MELK: variants seen among roughly 807,000 people sequenced by gnomAD.
MELK encodes maternal embryonic leucine zipper kinase.
In MELK, 81 loss-of-function variants were observed where a neutral mutation model predicts 85.0. The ratio of observed to expected loss-of-function variants is 0.95; its 90% CI spans 0.80 to 1.15. The LOEUF (loss-of-function observed/expected upper bound fraction) is 1.15, where lower values mean the gene tolerates loss of function less well. Among genes scored for constraint, MELK ranks in the 50% most tolerant of loss-of-function variants. The pLI, the probability that MELK is intolerant of heterozygous loss-of-function variation, is 0.00. For synonymous variants in MELK, 252 were observed against 265.0 expected, an observed-to-expected ratio of 0.95 and a Z score of 0.48; for missense variants, 754 against 777.5, an observed-to-expected ratio of 0.97 and a Z score of 0.36.
chr9:36,605,801 TTTTC>T (rs1020565232), intron 7 of MELK, among the ~76,000 whole-genome samples: 9 of 151,888 alleles, frequency 5.9e-5, no homozygotes, highest in African/African-American at 1.9e-4. Flanking sequence ...TTTCTCTTTC[TTTTC>T]TTTCTTTGTT....
chr9:36,583,783 T>A, intron 3 of MELK, 71 bp downstream of exon 3: 1 of 1,073,756 alleles, frequency 9.3e-7, no homozygotes, highest in Non-Finnish European at 1.4e-6. Context: ...TGAATTGTTC[T>A]AATGTTCTAG....
chr9:36,606,005 A>C (rs1347102776), intron 7 of MELK, among the ~76,000 whole-genome samples: 1 of 151,740 alleles, frequency 6.6e-6, no homozygotes, highest in African/African-American at 2.4e-5. Flanking sequence ...AAGAGCTGTG[A>C]CTTCTCCTCA....
intron 10 of MELK, among the ~76,000 whole-genome samples, chr9:36,636,782 T>TTCTTTCTTTCTTTCTTTCTGTCTGTCTG (rs71494635): frequency 2.0e-4 from 22 of 107,666 alleles, no homozygotes; most frequent in South Asian, 6.2e-4. Context: ...CTTTCTTTCT[T>TTCTTTCTTTCTTTCTTTCTGTCTGTCTG]TCTGTCTGTC....
At chr9:36,608,658 C>T (rs996074550) in intron 8 of MELK, among the ~76,000 whole-genome samples, 8 of 151,902 alleles carry the variant, frequency 5.3e-5, no homozygotes, top group South Asian at 2.1e-4. Context: ...CTTGGCTCAC[C>T]GCAACCTCTG....
intron 8 of MELK, among the ~76,000 whole-genome samples, chr9:36,621,851 C>A (rs1196012267): frequency 6.6e-6 from 1 of 152,158 alleles, no homozygotes; most frequent in Non-Finnish European, 1.5e-5. Flanking sequence ...TACCAACATA[C>A]AAACTTCAGT....
At chr9:36,671,676 G>GTA (rs1423258955) in intron 16 of MELK, among the ~76,000 whole-genome samples, 1 of 152,094 alleles carries the variant, frequency 6.6e-6, no homozygotes, top group Non-Finnish European at 1.5e-5. Context: ...AATAGACCCA[G>GTA]TATGCTTTAA....
intron 2 of MELK, among the ~76,000 whole-genome samples, chr9:36,583,224 C>T (rs920774165): frequency 4.6e-5 from 7 of 152,074 alleles, no homozygotes; most frequent in Non-Finnish European, 4.4e-5. Flanking sequence ...CCGCCCGCCT[C>T]GGTCTCCCAA....
At chr9:36,655,045 A>G (rs1245652244) in intron 12 of MELK, among the ~76,000 whole-genome samples, 1 of 152,194 alleles carries the variant, frequency 6.6e-6, no homozygotes, top group Admixed American at 6.5e-5. Context: ...CTTTCAGTGA[A>G]ACAGCAGTAC....
intron 8 of MELK, among the ~76,000 whole-genome samples, chr9:36,613,405 A>G (rs922111580): frequency 1.3e-4 from 20 of 152,262 alleles, no homozygotes; most frequent in Non-Finnish European, 1.9e-4. Context: ...TGTGTGGGGT[A>G]TATCTGTGAA....
Position 36,643,079 on chromosome 9 carries a change from C to G in MELK, c.917C>G (p.Ser306Ter), listed in dbSNP as rs761052927. Residue 306 changes from serine (S) to a stop codon, truncating the protein, a stop_gained, in exon 11 of 18, where the codon TCA becomes TGA. Transcript: ENST00000298048. LOFTEE classifies it high-confidence loss of function. ...AGGCAAACAATGGAGGATTTAATTT[C>G]ACTGGTAAGAAATACAGCATGGGCT... ...NNRQTMEDLI[S>*]LWQYDHLTAT... 1 of 1,611,548 alleles carries G rather than the reference C, an allele frequency of 6.2e-7. No homozygotes were observed. Among genetic ancestry groups the G allele is most frequent in the Non-Finnish European group, 8.5e-7 (1 of 1,178,266 alleles).
chr9:36,578,441 C>T (rs1302982547), intron 1 of MELK, among the ~76,000 whole-genome samples: 1 of 152,130 alleles, frequency 6.6e-6, no homozygotes, highest in African/African-American at 2.4e-5. Flanking sequence ...TTAAGGCCTA[C>T]AGACCAAAGA....
chr9:36,671,981 G>A (rs940867641), intron 16 of MELK, among the ~76,000 whole-genome samples: 7 of 152,106 alleles, frequency 4.6e-5, no homozygotes, highest in Admixed American at 3.9e-4. Flanking sequence ...AAGAGGTGTG[G>A]GCCCAAGCAG....
intron 1 of MELK, among the ~76,000 whole-genome samples, chr9:36,577,009 A>G (rs1024307203): frequency 2.0e-5 from 3 of 152,182 alleles, no homozygotes; most frequent in African/African-American, 7.2e-5. Context: ...TCATCATTGT[A>G]TGAAGGGCCT....
At chr9:36,577,795 G>T (rs978252537) in intron 1 of MELK, among the ~76,000 whole-genome samples, 8 of 152,026 alleles carry the variant, frequency 5.3e-5, no homozygotes, top group African/African-American at 1.9e-4. Context: ...GGGATTACAG[G>T]CATGGGCCAC....
Position 36,607,673 on chromosome 9 carries a change from G to A in MELK, c.666G>A (p.Met222Ile). The A allele has an allele frequency of 6.3e-7, 1 of 1,578,510 alleles. No homozygotes were observed. The change falls in exon 8 of 18, where the codon ATG becomes ATA. Residue 222 changes from methionine (M) to isoleucine (I), a missense_variant and splice_region_variant. Transcript: ENST00000298048. ...DNVMALYKKI[M>I]RGKYDVPKWL... ...TAATGGCTTTATACAAGAAGATTAT[G>A]GTGAGTATTACAAGGCATAGAATTT...
At chr9:36,664,946 T>C (rs569017583) in intron 13 of MELK, among the ~76,000 whole-genome samples, 1 of 152,340 alleles carries the variant, frequency 6.6e-6, no homozygotes, top group East Asian at 1.9e-4. Context: ...AAGTATTTTT[T>C]ATCCAATATT....
intron 10 of MELK, among the ~76,000 whole-genome samples, chr9:36,634,312 A>G (rs1013598566): frequency 1.3e-5 from 2 of 152,240 alleles, no homozygotes; most frequent in Admixed American, 6.5e-5. Context: ...TTGAACTGAC[A>G]AATTCCCTTG....
chr9:36,635,386 C>T (rs140092274), intron 10 of MELK, among the ~76,000 whole-genome samples: 1 of 152,146 alleles, frequency 6.6e-6, no homozygotes, highest in African/African-American at 2.4e-5. Context: ...GCCTCAGCCA[C>T]CCGATTAGTT....
At chr9:36,573,867 C>G (rs74586193) in intron 1 of MELK, among the ~76,000 whole-genome samples, 4,439 of 152,202 alleles carry the variant, frequency 0.029, 223 homozygotes, top group African/African-American at 0.1. Flanking sequence ...TTGCTCCCAC[C>G]AAGAAACCTG....
Sources: allele counts gnomAD v4.1 joint callset (sites outside exome capture counted in the v4.1 genomes callset), GRCh38; gene constraint gnomAD v4.1.1; transcripts MANE v1.5; gene names NCBI Gene and HGNC (gene_info 2026-07-23, HGNC 2026-07-21).